RIPK1: variants seen among roughly 807,000 people sequenced by gnomAD.
The protein encoded by RIPK1 is receptor interacting serine/threonine kinase 1.
RIPK1 carries 27 observed loss-of-function variants against 62.4 expected under a neutral mutation model. That is an observed-to-expected ratio of 0.43 (90% CI 0.32 to 0.60). The LOEUF (loss-of-function observed/expected upper bound fraction) is 0.60. RIPK1 is among the 20% of genes least tolerant of loss of function. The pLI, the probability that RIPK1 is intolerant of heterozygous loss-of-function variation, is 0.07. For synonymous variants in RIPK1, 287 were observed against 303.2 expected, an observed-to-expected ratio of 0.95 and a Z score of 0.55; for missense variants, 735 against 831.0, an observed-to-expected ratio of 0.88 and a Z score of 1.42.
At chr6:3,085,520 T>A in intron 6 of RIPK1, 112 bp downstream of exon 6, 1 of 1,147,042 alleles carries the variant, frequency 8.7e-7, no homozygotes, top group Non-Finnish European at 1.2e-6. Flanking sequence ...CGACTTGACT[T>A]GTGGTTTTAA....
At chr6:3,087,601 G>C (rs1396502331) in intron 6 of RIPK1, among the ~76,000 whole-genome samples, 3 of 151,048 alleles carry the variant, frequency 2.0e-5, no homozygotes, top group Non-Finnish European at 2.9e-5. Context: ...TGTCGCCCAG[G>C]TTGGAGTGCA....
upstream of RIPK1, chr6:3,068,250 C>T: frequency 1.0e-6 from 1 of 985,562 alleles, no homozygotes; most frequent in Non-Finnish European, 1.2e-6. Context: ...CGGATAGCGC[C>T]CCCGCTGTAA....
Position 3,074,986 on chromosome 6 carries a change from T to TG in RIPK1, c.-60-1775dup, listed in dbSNP as rs529175330. On this transcript the variant is annotated intron_variant, in intron 1 of 10. Coordinates refer to ENST00000259808, the MANE Select transcript of RIPK1 (RefSeq NM_001354930.2). ...TGAGCCACGGCGCCCAGCCGGGATG[T>TG]GGGTATTTCTGGAATACAAAACATC... 9.7e-4 allele frequency among the ~76,000 whole-genome samples: 147 copies of TG among 152,322 alleles called. 1 individual carries two copies. Among genetic ancestry groups the TG allele is most frequent in the African/African-American group, 3.5e-3 (145 of 41,572 alleles).
intron 7 of RIPK1, among the ~76,000 whole-genome samples, chr6:3,096,338 ATAGTT>A (rs111315281): frequency 1.3e-5 from 2 of 152,168 alleles, no homozygotes; most frequent in Non-Finnish European, 2.9e-5. Context: ...TAAATTAATA[ATAGTT>A]TAGTTATAAA....
chr6:3,112,441 C>G (rs1439203761), intron 10 of RIPK1, among the ~76,000 whole-genome samples: 3 of 152,216 alleles, frequency 2.0e-5, no homozygotes, highest in African/African-American at 7.2e-5. Flanking sequence ...GACTAGAACA[C>G]CCAACCTCGT....
chr6:3,110,624 C>T (rs17513548), intron 9 of RIPK1, among the ~76,000 whole-genome samples, 179 bp from the exon 10 acceptor site: 5,423 of 149,294 alleles, frequency 0.036, 348 homozygotes, highest in African/African-American at 0.13. Context: ...TTTTTTTAAT[C>T]ATAGGCATCC....
intron 1 of RIPK1, among the ~76,000 whole-genome samples, chr6:3,073,714 T>C (rs1055345017): frequency 1.3e-5 from 2 of 152,166 alleles, no homozygotes; most frequent in Admixed American, 6.5e-5. Flanking sequence ...AGATGAGGTG[T>C]AGAAGGCTGG....
rs771143294 is a variant in RIPK1, at chr6:3,083,056, C to T, written c.460-29C>T. ...TGATTTGCTTACGGCCTTCACCAAA[C>T]AATCCCAGTGGCTCAATGTCTTTCG... is the stretch of plus-strand genomic sequence containing the variant. On this transcript the variant is annotated intron_variant, in intron 4 of 10. Transcript: ENST00000259808. 6.2e-6 allele frequency: 10 copies of T among 1,606,600 alleles called. No individual in the cohort carries two copies. The African/African-American group carries it at 1.1e-4, about 17-fold the overall frequency.
intron 6 of RIPK1, among the ~76,000 whole-genome samples, chr6:3,086,752 T>C (rs1392024089): frequency 1.3e-5 from 2 of 152,208 alleles, no homozygotes; most frequent in African/African-American, 2.4e-5. Context: ...TAAGGTGATT[T>C]ATGGAAGTTC....
chr6:3,076,506 C>G (rs539155209), intron 1 of RIPK1, among the ~76,000 whole-genome samples: 2 of 151,470 alleles, frequency 1.3e-5, no homozygotes, highest in South Asian at 4.2e-4. Context: ...CCCGGCCCCC[C>G]CATCTCTACA....
chr6:3,074,203 C>T (rs1282151801), intron 1 of RIPK1, among the ~76,000 whole-genome samples: 2 of 152,188 alleles, frequency 1.3e-5, no homozygotes, highest in African/African-American at 2.4e-5. Context: ...CCCACTCAGC[C>T]TCACCGTGCT....
chr6:3,102,255 C>A (rs560061404), intron 7 of RIPK1, among the ~76,000 whole-genome samples: 3 of 152,030 alleles, frequency 2.0e-5, no homozygotes, highest in Admixed American at 6.6e-5. Context: ...TGGAAAATAC[C>A]ACACCTGACA....
chr6:3,080,428 C>G (rs972431951), intron 3 of RIPK1, among the ~76,000 whole-genome samples: 1 of 152,230 alleles, frequency 6.6e-6, no homozygotes, highest in Non-Finnish European at 1.5e-5. Context: ...TATTAATTCA[C>G]TTAAGCGTAG....
intron 1 of RIPK1, among the ~76,000 whole-genome samples, chr6:3,075,855 T>C (rs1175415239): frequency 2.6e-5 from 3 of 116,972 alleles, no homozygotes; most frequent in Non-Finnish European, 5.7e-5. Context: ...TTTTTTTTTT[T>C]TAATACCTTG....
At chr6:3,094,441 C>G (rs1760175522) in intron 7 of RIPK1, among the ~76,000 whole-genome samples, 2 of 151,948 alleles carry the variant, frequency 1.3e-5, no homozygotes, top group South Asian at 4.2e-4. Context: ...TTTTAAATAT[C>G]CCTTGGATCA....
At chr6:3,094,549 A>G (rs1330872903) in intron 7 of RIPK1, among the ~76,000 whole-genome samples, 1 of 150,076 alleles carries the variant, frequency 6.7e-6, no homozygotes, top group Admixed American at 6.6e-5. Flanking sequence ...GCAAAGGAGT[A>G]CTTAATATAA....
intron 1 of RIPK1, among the ~76,000 whole-genome samples, chr6:3,075,390 A>G (rs1758997035): frequency 6.6e-6 from 1 of 152,226 alleles, no homozygotes; most frequent in Non-Finnish European, 1.5e-5. Flanking sequence ...CTGACACTGT[A>G]TACTTCACAG....
intron 3 of RIPK1, among the ~76,000 whole-genome samples, chr6:3,079,787 T>C (rs188550571): frequency 1.3e-5 from 2 of 152,340 alleles, no homozygotes; most frequent in East Asian, 3.9e-4. Context: ...ACCCCAGAAC[T>C]AGAGAAGATC....
Position 3,081,122 on chromosome 6 carries a change from C to T in RIPK1, c.459+6C>T, listed in dbSNP as rs775616467. On this transcript the variant is annotated splice_donor_region_variant and intron_variant, in intron 4 of 10. Coordinates refer to ENST00000259808, the MANE Select transcript of RIPK1 (RefSeq NM_001354930.2). ...ATAATGACTTCCACATTAAGGTAAA[C>T]CATCATCGGTAGGCTTCCAGAAAGT... The T allele has an allele frequency of 6.2e-7, 1 of 1,612,494 alleles. No homozygotes were observed.
Sources: gnomAD v4.1 joint callset for allele counts (sites outside exome capture counted in the v4.1 genomes callset) on GRCh38, gnomAD v4.1.1 for gene constraint, MANE v1.5 for transcripts, NCBI Gene and HGNC (gene_info 2026-07-23, HGNC 2026-07-21) for gene names.